Variants in MAP3K11 observed in about 807,000 individuals in gnomAD.
MAP3K11 encodes mitogen-activated protein kinase kinase kinase 11.
In MAP3K11, 46 loss-of-function variants were observed where a neutral mutation model predicts 84.9. The ratio of observed to expected loss-of-function variants is 0.54; its 90% confidence interval spans 0.43 to 0.69. MAP3K11 has a LOEUF of 0.69. Among genes scored for constraint, MAP3K11 ranks in the 30% least tolerant of loss-of-function variants. The pLI, the probability that MAP3K11 is intolerant of heterozygous loss-of-function variation, is 0.00. For missense variants in MAP3K11, 1,053 were observed against 1,198.3 expected, an observed-to-expected ratio of 0.88 and a Z score of 1.79; for synonymous variants, 527 against 514.7, an observed-to-expected ratio of 1.02 and a Z score of -0.32.
At position 65,613,129 on chromosome 11, in the gene MAP3K11, C is replaced by T. The variant is rs1259828214; in HGVS notation, c.628G>A (p.Val210Met). Residue 210 changes from valine (V) to methionine (M), a missense_variant, in exon 1 of 10, where the codon GTG (valine) becomes ATG (methionine). Coordinates refer to ENST00000309100, the MANE Select transcript of MAP3K11 (RefSeq NM_002419.4). ...CAGTTGACCAGCACATGGGGAGGCA[C>T]GCGCCGCCCGGCCAGAGCTCGGCTG... Reference protein sequence around the residue: ...PLSRALAGRRVPPHVLVNWAV... With the variant: ...PLSRALAGRRMPPHVLVNWAV... 3.8e-6 allele frequency: 6 copies of T among 1,588,442 alleles called. No individual in the cohort carries two copies. Among genetic ancestry groups the T allele is most frequent in the African/African-American group, 1.3e-5 (1 of 74,534 alleles).
chr11:65,606,094 C>G lies in MAP3K11; in HGVS notation c.1604-13G>C. The G allele has an allele frequency of 6.4e-7, 1 of 1,560,328 alleles. No homozygotes were observed. The highest frequency in any genetic ancestry group is 8.6e-7 in the Non-Finnish European group (1 of 1,159,280). On this transcript the variant is annotated splice_polypyrimidine_tract_variant and intron_variant, in intron 6 of 9. Transcript: ENST00000309100. The stretch of plus-strand genomic sequence containing the variant: ...TCTGCAGGCTCCACTGCAGGGGAAA[C>G]CGATGAAATCGGAGATAATCTTTAT...
In MAP3K11 at chr11:65,599,398, G is replaced by C; in HGVS notation, c.2202C>G (p.Pro734=). ...GGCCGGCTTCAGGCCACTCACCGCG[G>C]GGCTCCTCCTCACGTCGGGGGCTCT... The part of the protein sequence containing the change: ...SAKSPRREEE[P]RGGTVSPPPG... The change falls in exon 9 of 10, where the codon CCC becomes CCG. Residue 734 remains proline, a synonymous_variant. Coordinates refer to ENST00000309100, the MANE Select transcript of MAP3K11 (RefSeq NM_002419.4). The C allele has an allele frequency of 6.5e-7, 1 of 1,534,560 alleles. No homozygotes were observed.
intron 6 of MAP3K11, chr11:65,606,350 T>A (rs1854507678): frequency 2.2e-6 from 1 of 451,458 alleles, no homozygotes; most frequent in African/African-American, 2.1e-5. Context: ...CTCTTCCACT[T>A]ATTAACTGTG....
intron 1 of MAP3K11, chr11:65,611,628 C>T (rs1854571487): frequency 6.6e-6 from 1 of 152,514 alleles, no homozygotes; most frequent in Non-Finnish European, 1.5e-5. Context: ...GGCAGCTGGG[C>T]TAGGGAGGGA....
intron 8 of MAP3K11, among the ~76,000 whole-genome samples, chr11:65,603,571 C>A (rs562466801): frequency 1.4e-4 from 22 of 152,368 alleles, no homozygotes; most frequent in Admixed American, 1.4e-3. Flanking sequence ...TGCCGGGGAC[C>A]ATCTCACAGG....
At chr11:65,606,250 G>A (rs989830436) in intron 6 of MAP3K11, 169 bp from the exon 7 acceptor site, 5 of 668,334 alleles carry the variant, frequency 7.5e-6, no homozygotes, top group African/African-American at 1.9e-5. Flanking sequence ...CCAACAGTGG[G>A]GTGGGGCATC....
chr11:65,604,415 T>A (rs1854485403), intron 8 of MAP3K11, among the ~76,000 whole-genome samples: 1 of 152,246 alleles, frequency 6.6e-6, no homozygotes, highest in South Asian at 2.1e-4. Flanking sequence ...GCCTTCCAGC[T>A]CTCAGTTCAG....
rs1318480068 is a variant in MAP3K11, at chr11:65,608,363, G to T, written c.825C>A (p.His275Gln). ...ITDFGLAREW[H>Q]KTTQMSAAGT... is the part of the protein sequence containing the mutation. ...CCGCGGCACTCATTTGTGTGGTTTT[G>T]TGCCACTCTCGGGCCAGGCCAAAGT... The change falls in exon 2 of 10, where the codon CAC becomes CAA. Residue 275 changes from histidine (H) to glutamine (Q), a missense_variant. Coordinates refer to ENST00000309100, the MANE Select transcript of MAP3K11 (RefSeq NM_002419.4). 4 of 1,614,244 alleles carry T rather than the reference G, an allele frequency of 2.5e-6. No homozygotes were observed. Among genetic ancestry groups the T allele is most frequent in the Non-Finnish European group, 8.5e-7 (1 of 1,180,036 alleles).
chr11:65,608,610 T>C (rs568649756), intron 1 of MAP3K11, 162 bp from the exon 2 acceptor site: 24 of 608,250 alleles, frequency 3.9e-5, no homozygotes, highest in African/African-American at 3.8e-4. Context: ...AGACATTTCT[T>C]TTCTTTTCCT....
chr11:65,607,896 C>T, intron 3 of MAP3K11, 26 bp downstream of exon 3: 2 of 1,610,768 alleles, frequency 1.2e-6, no homozygotes, highest in Non-Finnish European at 1.7e-6. Flanking sequence ...AGCTCTGTAC[C>T]TCACCTGCCC....
intron 8 of MAP3K11, among the ~76,000 whole-genome samples, chr11:65,603,544 T>A (rs1257127493): frequency 2.6e-5 from 4 of 152,198 alleles, no homozygotes; most frequent in Admixed American, 6.5e-5. Flanking sequence ...TGTGTGACTC[T>A]CCAGTGGTAT....
At chr11:65,606,670 A>C (rs756737460) in intron 6 of MAP3K11, 21 bp downstream of exon 6, 1 of 1,533,482 alleles carries the variant, frequency 6.5e-7, no homozygotes, top group Non-Finnish European at 8.9e-7. Flanking sequence ...GGAGAGGGGC[A>C]TGAGAGGTGA....
rs1052224019 is a variant in MAP3K11, at chr11:65,599,709, G to A, written c.1891C>T (p.Arg631Cys). Residue 631 changes from arginine to cysteine, a missense_variant, in exon 9 of 10, where the codon CGC becomes TGC. By Grantham distance (180) the Arg-to-Cys change is radical. Coordinates refer to ENST00000309100, the MANE Select transcript of MAP3K11 (RefSeq NM_002419.4). ...TTGGGCGTCCCAGAGCTGCTACCGC[G>A]CTCTGCGGGGACAGGCCTCTTGGGC... ...EEPKRPVPAE[R>C]GSSSGTPKLI... 1.9e-6 allele frequency: 3 copies of A among 1,582,284 alleles called. No homozygotes were observed. Among genetic ancestry groups the A allele is most frequent in the Non-Finnish European group, 2.6e-6 (3 of 1,171,844 alleles).
intron 8 of MAP3K11, among the ~76,000 whole-genome samples, chr11:65,602,125 C>A (rs1317041599): frequency 6.7e-6 from 1 of 149,038 alleles, no homozygotes; most frequent in Non-Finnish European, 1.5e-5. Context: ...ATCGCTTGAA[C>A]CCAGGAGGCG....
In MAP3K11 at chr11:65,608,375, G is replaced by T. The variant is rs763559569; in HGVS notation, c.813C>A (p.Ala271=). The change falls in exon 2 of 10, where the codon GCC becomes GCA. Residue 271 remains alanine, a synonymous_variant. Transcript: ENST00000309100. ...TTTGTGTGGTTTTGTGCCACTCTCG[G>T]GCCAGGCCAAAGTCGGTGATCTTCA... ...KTLKITDFGL[A]REWHKTTQMS... 6.2e-7 allele frequency: 1 copy of T among 1,614,216 alleles called. No homozygotes were observed. The highest frequency in any genetic ancestry group is 1.1e-5 in the South Asian group (1 of 91,082).
intron 8 of MAP3K11, among the ~76,000 whole-genome samples, chr11:65,604,623 C>G (rs1005443855): frequency 8.5e-5 from 13 of 152,198 alleles, no homozygotes; most frequent in African/African-American, 3.1e-4. Context: ...GCCAATACTA[C>G]TACTCCCCTC....
chr11:65,607,067 T>A lies in MAP3K11; in HGVS notation c.1489+203A>T, dbSNP rs2306360. On this transcript the variant is annotated intron_variant, in intron 5 of 9. Transcript: ENST00000309100. ...TTTCGTGAACCCCACCCCTTCCCAC[T>A]CCCAGACCGACATGCAAATACTTCC... is the stretch of plus-strand genomic sequence containing the variant. 0.013 allele frequency: 9,553 copies of A among 763,512 alleles called. 478 individuals carry two copies. In the African/African-American group the frequency reaches 0.13, roughly 10 times the overall value. The allele number at this position is 763,512 out of a possible 1,614,324, so 47.3% of individuals were successfully genotyped here. A position where few individuals can be genotyped will look rare whatever the true frequency, so the allele number is the denominator to read the frequency against.
intron 8 of MAP3K11, among the ~76,000 whole-genome samples, chr11:65,605,092 G>C (rs1398207491): frequency 6.6e-6 from 1 of 152,176 alleles, no homozygotes; most frequent in Non-Finnish European, 1.5e-5. Flanking sequence ...CTGGGGGTTT[G>C]AGGTAGGTTA....
chr11:65,606,677 G>A lies in MAP3K11; in HGVS notation c.1603+14C>T. 4.5e-6 allele frequency: 7 copies of A among 1,563,880 alleles called. No homozygotes were observed. Among genetic ancestry groups the A allele is most frequent in the Non-Finnish European group, 6.1e-6 (7 of 1,150,150 alleles). On this transcript the variant is annotated intron_variant, in intron 6 of 9. Transcript: ENST00000309100. ...TGGGGGGCGGAGAGGGGCATGAGAG[G>A]TGAAGTTTCTTACACTGGATGGCTC...
Sources: allele counts gnomAD v4.1 joint callset (sites outside exome capture counted in the v4.1 genomes callset), GRCh38; gene constraint gnomAD v4.1.1; transcripts MANE v1.5; gene names NCBI Gene and HGNC (gene_info 2026-07-23, HGNC 2026-07-21).